EMSY: variants seen among roughly 807,000 people sequenced by gnomAD.
The protein encoded by EMSY is BRCA2-interacting transcriptional repressor EMSY.
EMSY carries 26 observed loss-of-function variants against 134.6 expected under a neutral mutation model. The ratio of observed to expected loss-of-function variants is 0.19; its 90% CI spans 0.14 to 0.27. The LOEUF (loss-of-function observed/expected upper bound fraction) is 0.27. Ranked by LOEUF, EMSY falls within the 10% of genes least tolerant of loss-of-function variation. The pLI is 1.00. For missense variants in EMSY, 1,305 were observed against 1,611.4 expected, an observed-to-expected ratio of 0.81 and a Z score of 3.26; for synonymous variants, 579 against 577.8, an observed-to-expected ratio of 1.00 and a Z score of -0.03.
intron 2 of EMSY, 79 bp from the exon 3 acceptor site, chr11:76,451,779 G>A: frequency 2.7e-6 from 2 of 749,998 alleles, no homozygotes; most frequent in Non-Finnish European, 3.9e-6. Flanking sequence ...TAGTTTTTTT[G>A]CCCTGAAGTT....
At chr11:76,498,112 A>C (rs1949722143) in intron 9 of EMSY, among the ~76,000 whole-genome samples, 1 of 152,048 alleles carries the variant, frequency 6.6e-6, no homozygotes, top group Admixed American at 6.5e-5. Context: ...CTTAATTTCT[A>C]ATGGAGATTT....
chr11:76,508,231 C>T (rs1300911038), intron 9 of EMSY, among the ~76,000 whole-genome samples: 2 of 152,086 alleles, frequency 1.3e-5, no homozygotes, highest in Non-Finnish European at 2.9e-5. Context: ...ATGGCCTGCA[C>T]AACGGATGTT....
intron 15 of EMSY, 73 bp downstream of exon 16, chr11:76,536,132 G>T: frequency 1.0e-6 from 1 of 985,168 alleles, no homozygotes; most frequent in Non-Finnish European, 1.3e-6. Context: ...TACTACCACT[G>T]TTATTATTTA....
chr11:76,549,945 C>A lies in EMSY; in HGVS notation c.3775-7C>A. The A allele has an allele frequency of 6.2e-7, 1 of 1,601,160 alleles. No individual in the cohort carries two copies. Among genetic ancestry groups the A allele is most frequent in the South Asian group, 1.1e-5 (1 of 89,520 alleles). On this transcript the variant is annotated splice_region_variant and splice_polypyrimidine_tract_variant and intron_variant, in intron 20 of 20. Coordinates refer to ENST00000334736, the Ensembl canonical transcript of EMSY. ...CCATAAAGATTCTCCTGTGTCTTCT[C>A]TTCCAGGCTATTCCTCAGTATGCTA...
At chr11:76,526,048 T>A (rs1950835323) in intron 12 of EMSY, among the ~76,000 whole-genome samples, 1 of 152,166 alleles carries the variant, frequency 6.6e-6, no homozygotes, top group Non-Finnish European at 1.5e-5. Flanking sequence ...CAAATACTTA[T>A]TTCAGATAAA....
intron 7 of EMSY, among the ~76,000 whole-genome samples, chr11:76,468,392 C>T (rs1948445045): frequency 6.6e-6 from 1 of 152,126 alleles, no homozygotes; most frequent in African/African-American, 2.4e-5. Context: ...TTATTGAGCA[C>T]CTACTATGTT....
intron 6 of EMSY, 111 bp from the exon 8 acceptor site, chr11:76,463,710 T>C: frequency 1.7e-6 from 2 of 1,190,376 alleles, no homozygotes; most frequent in Non-Finnish European, 2.4e-6. Context: ...ACTTATTGGC[T>C]AATGGCTTAA....
intron 20 of EMSY, among the ~76,000 whole-genome samples, chr11:76,546,873 T>A (rs1320641741): frequency 6.6e-6 from 1 of 152,250 alleles, no homozygotes; most frequent in East Asian, 1.9e-4. Flanking sequence ...TGAACTTTAC[T>A]GTTTAATTCA....
rs148425640 is a variant in EMSY, at chr11:76,548,108, A to T, written c.3774+1811A>T. ...GGTTGTTTTGAGGATTAAGTGAGAA[A>T]ATGTATATAAAGCACCTAGTCAAGT... is the stretch of plus-strand genomic sequence containing the variant. On this transcript the variant is annotated intron_variant, in intron 20 of 20. Transcript: ENST00000334736. Among the ~76,000 whole-genome samples the T allele has an allele frequency of 7.6e-4, 116 of 152,352 alleles. 1 individual carries two copies. Among genetic ancestry groups the T allele is most frequent in the Middle Eastern group, 6.8e-3 (2 of 294 alleles).
Position 76,446,878 on chromosome 11 carries a change from CTTT to C in EMSY, c.-39-13_-39-11del. 4 of 1,168,098 alleles carry C rather than the reference CTTT, an allele frequency of 3.4e-6. No individual in the cohort carries two copies. Among genetic ancestry groups the C allele is most frequent in the East Asian group, 3.0e-5 (1 of 33,106 alleles). The allele number at this position is 1,168,098 out of a possible 1,614,324, so 72.4% of individuals were successfully genotyped here. ...GTACTTTGGTACTTTGGTAATTTGACTTTTTTTTTTTGTTCTGGTAGGGAGGAC... is the reference window on the plus strand; with the variant it reads ...GTACTTTGGTACTTTGGTAATTTGACTTTTTTTTGTTCTGGTAGGGAGGAC... On this transcript the variant is annotated intron_variant, in intron 1 of 20. Transcript: ENST00000334736.
At chr11:76,485,540 C>T (rs1045554622) in intron 8 of EMSY, among the ~76,000 whole-genome samples, 10 of 152,154 alleles carry the variant, frequency 6.6e-5, no homozygotes, top group African/African-American at 1.7e-4. Context: ...ATTGATGGAA[C>T]GTACCTCAAA....
At chr11:76,517,447 G>A (rs1164386889) in intron 11 of EMSY, among the ~76,000 whole-genome samples, 2 of 152,128 alleles carry the variant, frequency 1.3e-5, no homozygotes, top group East Asian at 3.8e-4. Flanking sequence ...ATAGTATAAA[G>A]CACTTACTCA....
intron 20 of EMSY, among the ~76,000 whole-genome samples, 179 bp downstream of exon 21, chr11:76,546,476 T>C (rs1951658026): frequency 6.6e-6 from 1 of 152,206 alleles, no homozygotes; most frequent in Admixed American, 6.5e-5. Flanking sequence ...TACAAATTTA[T>C]TTATTTTCTG....
intron 1 of EMSY, among the ~76,000 whole-genome samples, chr11:76,446,319 G>GTGTATATATATATGTATATATATATA (rs1176761237): frequency 6.1e-5 from 7 of 114,324 alleles, no homozygotes; most frequent in Non-Finnish European, 1.2e-4. Context: ...ATATGTGTGT[G>GTGTATATATATATGTATATATATATA]TGTGTATATA....
intron 12 of EMSY, among the ~76,000 whole-genome samples, chr11:76,525,288 A>G (rs1400298065): frequency 1.3e-5 from 2 of 152,232 alleles, no homozygotes; most frequent in East Asian, 1.9e-4. Context: ...GAAATAAGTA[A>G]TAACACCATT....
intron 5 of EMSY, 181 bp from the exon 7 acceptor site, chr11:76,459,752 A>C: frequency 5.3e-6 from 3 of 562,802 alleles, no homozygotes; most frequent in Non-Finnish European, 9.0e-6. Context: ...AATCTATTTA[A>C]GTGATAATTT....
chr11:76,532,806 A>G (rs1199694548), intron 14 of EMSY, among the ~76,000 whole-genome samples: 1 of 152,198 alleles, frequency 6.6e-6, no homozygotes, highest in African/African-American at 2.4e-5. Context: ...TGAGTAAGTC[A>G]TAACTCAGTT....
chr11:76,477,174 A>G (rs1948797555), intron 8 of EMSY, among the ~76,000 whole-genome samples: 2 of 151,930 alleles, frequency 1.3e-5, no homozygotes, highest in South Asian at 4.1e-4. Flanking sequence ...TTTAGTTTTT[A>G]AGGGTATTCT....
intron 9 of EMSY, 99 bp downstream of exon 10, chr11:76,496,568 AG>A (rs1243954261): frequency 7.2e-7 from 1 of 1,393,876 alleles, no homozygotes; most frequent in Non-Finnish European, 1.0e-6. Context: ...TCATTTATTT[AG>A]GTCTTTGACT....
Sources: gnomAD v4.1 joint callset for allele counts (sites outside exome capture counted in the v4.1 genomes callset) on GRCh38, gnomAD v4.1.1 for gene constraint, MANE v1.5 for transcripts, NCBI Gene and HGNC (gene_info 2026-07-23, HGNC 2026-07-21) for gene names.